Variants in PDE4D observed in about 807,000 individuals in gnomAD.
PDE4D encodes phosphodiesterase 4D.
A neutral mutation model predicts 87.4 loss-of-function variants in PDE4D; 24 were observed. The observed-to-expected ratio is 0.27, with a 90% confidence interval of 0.20 to 0.39. PDE4D has a LOEUF of 0.39. PDE4D is among the 10% of genes least tolerant of loss of function. The probability of loss-of-function intolerance (pLI) is 1.00; values close to 1 mark genes in which losing one functional copy is unlikely to be tolerated. For synonymous variants in PDE4D, 384 were observed against 383.2 expected, an observed-to-expected ratio of 1.00 and a Z score of -0.02; for missense variants, 714 against 1,041.0, an observed-to-expected ratio of 0.69 and a Z score of 4.32.
intron 1 of PDE4D, among the ~76,000 whole-genome samples, chr5:59,672,849 T>C (rs189384909): frequency 1.3e-5 from 2 of 152,334 alleles, no homozygotes; most frequent in African/African-American, 2.4e-5. Flanking sequence ...ACTGTAACCA[T>C]TGAACATACA....
chr5:59,080,332 A>G (rs752217224), intron 5 of PDE4D, among the ~76,000 whole-genome samples: 2 of 152,170 alleles, frequency 1.3e-5, no homozygotes, highest in African/African-American at 2.4e-5. Flanking sequence ...TGATCACTAC[A>G]GTTCCTTCTA....
chr5:59,221,219 A>C (rs1752484720), intron 1 of PDE4D, among the ~76,000 whole-genome samples: 1 of 152,070 alleles, frequency 6.6e-6, no homozygotes, highest in African/African-American at 2.4e-5. Context: ...CTCTATTATG[A>C]AGTTTCATTT....
At chr5:60,475,144 C>A (rs1325394037) in intron 1 of PDE4D, among the ~76,000 whole-genome samples, 1 of 152,250 alleles carries the variant, frequency 6.6e-6, no homozygotes, top group Middle Eastern at 3.4e-3. Context: ...CTTCTCCCCC[C>A]TAATGTTATG....
At chr5:59,384,279 T>C (rs916012241) in intron 1 of PDE4D, among the ~76,000 whole-genome samples, 1 of 152,190 alleles carries the variant, frequency 6.6e-6, no homozygotes, top group African/African-American at 2.4e-5. Flanking sequence ...TCTCTCTTTG[T>C]AGCTCTCCAC....
At chr5:59,841,454 T>C (rs1016635538) in intron 1 of PDE4D, among the ~76,000 whole-genome samples, 1 of 152,056 alleles carries the variant, frequency 6.6e-6, no homozygotes, top group Non-Finnish European at 1.5e-5. Flanking sequence ...AAAGTTTAGA[T>C]TAATTTTATA....
chr5:59,900,473 T>C (rs1010694308), intron 3 of PDE4D, among the ~76,000 whole-genome samples: 4 of 152,082 alleles, frequency 2.6e-5, no homozygotes, highest in Admixed American at 6.6e-5. Flanking sequence ...CATATCTTAT[T>C]GAAAAGCAAC....
intron 1 of PDE4D, among the ~76,000 whole-genome samples, chr5:59,688,053 A>C (rs918991038): frequency 6.6e-6 from 1 of 152,210 alleles, no homozygotes; most frequent in African/African-American, 2.4e-5. Context: ...ATACAGGAGC[A>C]CCCAGATTCA....
intron 2 of PDE4D, among the ~76,000 whole-genome samples, chr5:60,068,004 T>C (rs7731007): frequency 1.3e-5 from 2 of 152,050 alleles, no homozygotes; most frequent in Non-Finnish European, 2.9e-5. Context: ...AAATCTTAAC[T>C]ATTGTGAATA....
At chr5:59,198,689 A>G (rs1187090762) in intron 2 of PDE4D, among the ~76,000 whole-genome samples, 1 of 152,090 alleles carries the variant, frequency 6.6e-6, no homozygotes, top group Admixed American at 6.6e-5. Context: ...TTTTTCTCAC[A>G]AGAGAAATGA....
chr5:59,061,286 G>C (rs1266196980), intron 5 of PDE4D, among the ~76,000 whole-genome samples: 1 of 152,024 alleles, frequency 6.6e-6, no homozygotes, highest in Non-Finnish European at 1.5e-5. Flanking sequence ...ACATATTGCA[G>C]TCATATGGTC....
At chr5:59,096,041 T>G (rs551343383) in intron 5 of PDE4D, among the ~76,000 whole-genome samples, 1 of 151,818 alleles carries the variant, frequency 6.6e-6, no homozygotes, top group African/African-American at 2.4e-5. Context: ...ATAAAGGGAG[T>G]GGGAGCATCT....
At chr5:59,000,985 A>G (rs1185033096) in intron 6 of PDE4D, among the ~76,000 whole-genome samples, 2 of 152,172 alleles carry the variant, frequency 1.3e-5, no homozygotes, top group African/African-American at 4.8e-5. Context: ...CAACGTGCCC[A>G]GCCAGAACAG....
intron 2 of PDE4D, among the ~76,000 whole-genome samples, chr5:59,196,435 A>G (rs1410307722): frequency 6.6e-6 from 1 of 152,178 alleles, no homozygotes; most frequent in Non-Finnish European, 1.5e-5. Context: ...GGCCAGCTAC[A>G]TTTCTTCCTT....
intron 1 of PDE4D, among the ~76,000 whole-genome samples, chr5:59,326,934 G>A: frequency 6.6e-6 from 1 of 152,160 alleles, no homozygotes; most frequent in East Asian, 1.9e-4. Context: ...TCATGTAATA[G>A]CTCATTTCAG....
intron 3 of PDE4D, among the ~76,000 whole-genome samples, chr5:59,904,456 G>A (rs1456270108): frequency 6.6e-6 from 1 of 152,142 alleles, no homozygotes; most frequent in East Asian, 1.9e-4. Flanking sequence ...TAGCCTCCAA[G>A]GGGTTTGTGA....
At chr5:60,432,838 C>T (rs1333253427) in intron 1 of PDE4D, among the ~76,000 whole-genome samples, 2 of 152,148 alleles carry the variant, frequency 1.3e-5, no homozygotes, top group Non-Finnish European at 2.9e-5. Flanking sequence ...GAAAGGACTC[C>T]CTATTCGATA....
intron 1 of PDE4D, among the ~76,000 whole-genome samples, chr5:59,413,639 T>A (rs1793099024): frequency 6.6e-6 from 1 of 152,122 alleles, no homozygotes; most frequent in African/African-American, 2.4e-5. Flanking sequence ...GCACATATAT[T>A]GATCTAGGCA....
At chr5:59,169,694 A>G (rs1782463522) in intron 5 of PDE4D, among the ~76,000 whole-genome samples, 1 of 152,144 alleles carries the variant, frequency 6.6e-6, no homozygotes, top group Non-Finnish European at 1.5e-5. Flanking sequence ...AAAGACAGGT[A>G]TTTTCCAACA....
intron 2 of PDE4D, among the ~76,000 whole-genome samples, chr5:60,131,588 T>C (rs773284843): frequency 2.0e-5 from 3 of 152,206 alleles, no homozygotes; most frequent in Non-Finnish European, 2.9e-5. Flanking sequence ...CTGATGAGAT[T>C]TGCAAGGCCT....
Sources: gnomAD v4.1 joint callset for allele counts (sites outside exome capture counted in the v4.1 genomes callset) on GRCh38, gnomAD v4.1.1 for gene constraint, MANE v1.5 for transcripts, NCBI Gene and HGNC (gene_info 2026-07-23, HGNC 2026-07-21) for gene names.